ATP8A2: variants seen among roughly 807,000 people sequenced by gnomAD.
The protein encoded by ATP8A2 is phospholipid-transporting ATPase IB.
ATP8A2 carries 100 observed loss-of-function variants against 165.6 expected under a neutral mutation model. The observed-to-expected ratio is 0.60, with a 90% CI of 0.51 to 0.71. ATP8A2 has a LOEUF of 0.71. Among genes scored for constraint, ATP8A2 ranks in the 30% least tolerant of loss-of-function variants. The pLI, the probability that ATP8A2 is intolerant of heterozygous loss-of-function variation, is 0.00. For synonymous variants in ATP8A2, 543 were observed against 548.8 expected (o/e 0.99, Z 0.15); for missense variants, 1,227 against 1,479.5 (o/e 0.83, Z 2.80).
At chr13:25,439,814 G>A (rs1159521093) in intron 1 of ATP8A2, among the ~76,000 whole-genome samples, 1 of 151,982 alleles carries the variant, frequency 6.6e-6, no homozygotes. Flanking sequence ...CGCTGAGGCA[G>A]GAGGATTGCT....
chr13:25,615,477 G>A (rs531395333), intron 24 of ATP8A2, among the ~76,000 whole-genome samples: 1 of 152,288 alleles, frequency 6.6e-6, no homozygotes, highest in Admixed American at 6.5e-5. Flanking sequence ...CTCTCGCTGA[G>A]AGGGTTTTCA....
chr13:25,844,370 A>G (rs1593437546), intron 30 of ATP8A2, among the ~76,000 whole-genome samples: 1 of 152,026 alleles, frequency 6.6e-6, no homozygotes, highest in Non-Finnish European at 1.5e-5. Context: ...AGCTGGAATT[A>G]CAGGCTCATG....
intron 24 of ATP8A2, among the ~76,000 whole-genome samples, chr13:25,628,283 G>A (rs1008448868): frequency 2.0e-5 from 3 of 152,108 alleles, no homozygotes; most frequent in Non-Finnish European, 2.9e-5. Context: ...GGGTCTGGGA[G>A]CCATTCATTC....
intron 2 of ATP8A2, among the ~76,000 whole-genome samples, chr13:25,526,515 C>T (rs1237800799): frequency 3.9e-5 from 6 of 152,140 alleles, no homozygotes; most frequent in African/African-American, 1.4e-4. Flanking sequence ...TCACTGCCTC[C>T]TTTTCAGCAT....
At chr13:25,882,894 A>AGATGATGATGATGAT (rs3837558) in intron 33 of ATP8A2, among the ~76,000 whole-genome samples, 3 of 147,246 alleles carry the variant, frequency 2.0e-5, no homozygotes, top group East Asian at 2.0e-4. Flanking sequence ...CCTGTGCCTG[A>AGATGATGATGATGAT]GATGATGATG....
chr13:25,910,353 C>A (rs762021852), intron 33 of ATP8A2, among the ~76,000 whole-genome samples: 1 of 152,150 alleles, frequency 6.6e-6, no homozygotes, highest in Non-Finnish European at 1.5e-5. Flanking sequence ...ACCATCTTCA[C>A]GCAGTAGCGA....
chr13:25,502,519 G>A (rs117326289), intron 2 of ATP8A2, among the ~76,000 whole-genome samples: 4,349 of 152,320 alleles, frequency 0.029, 95 homozygotes, highest in Middle Eastern at 0.061. Context: ...TTCAGAATCT[G>A]GGGTAGGGCA....
At chr13:25,820,105 G>A (rs1217729408) in intron 27 of ATP8A2, among the ~76,000 whole-genome samples, 4 of 152,244 alleles carry the variant, frequency 2.6e-5, no homozygotes, top group Non-Finnish European at 4.4e-5. Context: ...CTGAGAGCCT[G>A]AGAGTGGCGG....
chr13:25,774,965 A>T lies in ATP8A2; in HGVS notation c.2679+6A>T. ...TGGTCCTGTATATTATTGAGGTAAGAAGGGGTATTTTTTTTCCTTGAAGAG... is the reference window on the plus strand; with the variant it reads ...TGGTCCTGTATATTATTGAGGTAAGTAGGGGTATTTTTTTTCCTTGAAGAG... On this transcript the variant is annotated splice_donor_region_variant and intron_variant, in intron 27 of 36. Coordinates refer to ENST00000381655, the MANE Select transcript of ATP8A2 (RefSeq NM_016529.6). The T allele has an allele frequency of 6.6e-7, 1 of 1,516,444 alleles. No individual in the cohort carries two copies. Among genetic ancestry groups the T allele is most frequent in the Non-Finnish European group, 9.1e-7 (1 of 1,100,370 alleles). 93.9% of individuals were successfully genotyped at this position (1,516,444 alleles called of 1,614,324 possible).
chr13:25,637,232 A>T (rs2041393907), intron 24 of ATP8A2, among the ~76,000 whole-genome samples: 1 of 152,112 alleles, frequency 6.6e-6, no homozygotes, highest in African/African-American at 2.4e-5. Context: ...TACTGGGTTC[A>T]TCTCACTGGG....
In ATP8A2 at chr13:25,470,202, T is replaced by C. The variant is rs566440304; in HGVS notation, c.221+1081T>C. The stretch of plus-strand genomic sequence containing the variant: ...ATTGGGGTAGAATAATGGTGCATAT[T>C]ATATGGAGGTGGAATTTTCACTTAT... On this transcript the variant is annotated intron_variant, in intron 2 of 36. Transcript: ENST00000381655. Among the ~76,000 whole-genome samples, 5 of 152,332 alleles carry C rather than the reference T, an allele frequency of 3.3e-5. No individual in the cohort carries two copies. In the South Asian group the frequency reaches 1.0e-3, roughly 32 times the overall value.
chr13:25,763,036 C>A (rs1343008346), intron 25 of ATP8A2, among the ~76,000 whole-genome samples: 1 of 152,172 alleles, frequency 6.6e-6, no homozygotes, highest in Non-Finnish European at 1.5e-5. Flanking sequence ...CCGAGAAATG[C>A]TTCCATGGGA....
At chr13:25,435,918 T>TGTGTGTGA (rs199971520) in intron 1 of ATP8A2, among the ~76,000 whole-genome samples, 26 of 126,770 alleles carry the variant, frequency 2.1e-4, no homozygotes, top group South Asian at 7.6e-4. Flanking sequence ...GCATCGTGTG[T>TGTGTGTGA]GTGTGTGTGT....
chr13:25,518,911 T>G (rs1023181239), intron 2 of ATP8A2, among the ~76,000 whole-genome samples: 2 of 152,172 alleles, frequency 1.3e-5, no homozygotes, highest in Admixed American at 1.3e-4. Flanking sequence ...CAGATAGATA[T>G]TATTGTCAGG....
chr13:25,650,956 G>A (rs1017428670), intron 24 of ATP8A2, among the ~76,000 whole-genome samples: 1 of 151,980 alleles, frequency 6.6e-6, no homozygotes, highest in Non-Finnish European at 1.5e-5. Flanking sequence ...TCATTTTTCT[G>A]CATTGTCCTT....
intron 25 of ATP8A2, among the ~76,000 whole-genome samples, chr13:25,707,909 C>CTT (rs2043085206): frequency 6.6e-6 from 1 of 152,144 alleles, no homozygotes; most frequent in South Asian, 2.1e-4. Flanking sequence ...TGGCAGTAGT[C>CTT]TAAGAACTAT....
intron 25 of ATP8A2, among the ~76,000 whole-genome samples, chr13:25,748,946 T>C (rs1488541307): frequency 6.6e-6 from 1 of 152,194 alleles, no homozygotes; most frequent in Non-Finnish European, 1.5e-5. Flanking sequence ...AATAACAGTA[T>C]GTGGAGATTA....
intron 35 of ATP8A2, among the ~76,000 whole-genome samples, chr13:25,994,134 G>A (rs1956446887): frequency 3.9e-5 from 6 of 151,996 alleles, no homozygotes; most frequent in Admixed American, 3.9e-4. Flanking sequence ...TAGCATCTGT[G>A]TGTTCATTGA....
intron 1 of ATP8A2, among the ~76,000 whole-genome samples, chr13:25,394,535 TAAAGAC>T (rs1220890831): frequency 6.6e-6 from 1 of 151,986 alleles, no homozygotes; most frequent in Non-Finnish European, 1.5e-5. Flanking sequence ...AAGAGGAAGA[TAAAGAC>T]AAAGCAGGAG....
Sources: allele counts gnomAD v4.1 joint callset (sites outside exome capture counted in the v4.1 genomes callset), GRCh38; gene constraint gnomAD v4.1.1; transcripts MANE v1.5; gene names NCBI Gene and HGNC (gene_info 2026-07-23, HGNC 2026-07-21).